The following BOC variants were observed in gnomAD, a reference collection of about 807,000 sequenced individuals.
The protein encoded by BOC is BOC cell adhesion associated, oncogene regulated, also known as brother of CDO.
A neutral mutation model predicts 112.0 loss-of-function variants in BOC; 76 were observed. That is an observed-to-expected ratio of 0.68 (90% CI 0.56 to 0.82). The LOEUF (loss-of-function observed/expected upper bound fraction) is 0.82, where lower values mean the gene tolerates loss of function less well. BOC is among the 40% of genes least tolerant of loss of function. The pLI is 0.00. For missense variants in BOC, 1,309 were observed against 1,511.7 expected (o/e 0.87, Z 2.22); for synonymous variants, 580 against 599.8 (o/e 0.97, Z 0.48).
Position 113,278,273 on chromosome 3 carries a change from T to A in BOC, c.1705+16T>A. The A allele has an allele frequency of 6.2e-7, 1 of 1,613,326 alleles. No individual in the cohort carries two copies. Among genetic ancestry groups the A allele is most frequent in the South Asian group, 1.1e-5 (1 of 91,036 alleles). Reference sequence around the variant, plus strand: ...TTCCGAACTGGTGAGAGTCAAACATTGCCCCTTGCTTAGGGTTTCCGTGGG... The same window carrying A: ...TTCCGAACTGGTGAGAGTCAAACATAGCCCCTTGCTTAGGGTTTCCGTGGG... On this transcript the variant is annotated intron_variant, in intron 10 of 19. Coordinates refer to ENST00000682979, the MANE Select transcript of BOC (RefSeq NM_001378074.1). This position sits in a 1 kb window ranked among gnomAD's most constrained non-coding sequence, Gnocchi z 4.2.
intron 2 of BOC, among the ~76,000 whole-genome samples, chr3:113,233,202 G>C (rs1942948217): frequency 9.8e-6 from 1 of 101,774 alleles, no homozygotes; most frequent in South Asian, 3.2e-4. Context: ...TGTGTCGGGG[G>C]TTGGAGCTGG....
chr3:113,286,788 C>T lies in BOC; in HGVS notation c.3274C>T (p.Gln1092Ter). 6.2e-7 allele frequency: 1 copy of T among 1,613,206 alleles called. No homozygotes were observed. Among genetic ancestry groups the T allele is most frequent in the Non-Finnish European group, 8.5e-7 (1 of 1,179,622 alleles). The change falls in exon 20 of 20, where the codon CAG becomes TAG. Residue 1092 changes from glutamine to a stop codon, truncating the protein, a stop_gained. Transcript: ENST00000682979. LOFTEE classifies it high-confidence loss of function. ...PQHPVGAYVG[Q>*]EPGMQLSPGP... ...GCACCCCGTAGGGGCCTACGTAGGA[C>T]AGGAACCTGGAATGCAGCTCTCCCC...
In BOC at chr3:113,278,028, T is replaced by G; in HGVS notation, c.1543-67T>G. The G allele has an allele frequency of 6.3e-7, 1 of 1,579,262 alleles. No individual in the cohort carries two copies. The highest frequency in any genetic ancestry group is 1.1e-5 in the South Asian group (1 of 87,194). On this transcript the variant is annotated intron_variant, in intron 9 of 19. Transcript: ENST00000682979. This position sits in a 1 kb window ranked among gnomAD's most constrained non-coding sequence, Gnocchi z 4.2. ...CTCTTGGGCTCAGCGCTGCTTTCTT[T>G]GTAAACCATAGCCCACTCGTAGCCC...
At position 113,274,446 on chromosome 3, in the gene BOC, G is replaced by A. The variant is rs149191848; in HGVS notation, c.1306G>A (p.Gly436Ser). The change falls in exon 9 of 20, where the codon GGC becomes AGC. Residue 436 changes from glycine to serine, a missense_variant. Physicochemically the swap from Gly to Ser is moderately conservative, Grantham distance 56. Coordinates refer to ENST00000682979, the MANE Select transcript of BOC (RefSeq NM_001378074.1). This position sits in a 1 kb window ranked among gnomAD's most constrained non-coding sequence, Gnocchi z 4.8. ...GTPPVSPSKL[G>S]NPEQMLRGQP... ...ACCTCCTGTATCACCCTCCAAACTC[G>A]GCAACCCTGAGCAGATGCTGAGGGG... 381 of 1,603,816 alleles carry A rather than the reference G, an allele frequency of 2.4e-4. 1 individual carries two copies. The highest frequency in any genetic ancestry group is 7.0e-4 in the Admixed American group (42 of 59,690).
At chr3:113,223,196 T>A (rs1941051645) in intron 2 of BOC, among the ~76,000 whole-genome samples, 1 of 152,228 alleles carries the variant, frequency 6.6e-6, no homozygotes, top group Admixed American at 6.5e-5. Context: ...ACCCCACATG[T>A]AAGCCTCTCA....
At chr3:113,280,098 C>T in intron 13 of BOC, 93 bp downstream of exon 13, 5 of 1,288,996 alleles carry the variant, frequency 3.9e-6, no homozygotes, top group Non-Finnish European at 1.0e-6. Flanking sequence ...CCGAACAGGG[C>T]ACCTGAAAGC....
chr3:113,241,445 ACTT>A (rs1398137782), intron 2 of BOC, among the ~76,000 whole-genome samples: 5 of 151,766 alleles, frequency 3.3e-5, no homozygotes, highest in African/African-American at 1.2e-4. Flanking sequence ...GGGAACTCCT[ACTT>A]CTCACTTCTC....
At chr3:113,264,640 A>G (rs912252063) in intron 4 of BOC, among the ~76,000 whole-genome samples, 1 of 151,552 alleles carries the variant, frequency 6.6e-6, no homozygotes, top group East Asian at 1.9e-4. Flanking sequence ...TTGATCATGA[A>G]CTCCCCACCC....
At chr3:113,273,687 TG>T (rs1387017480) in intron 8 of BOC, among the ~76,000 whole-genome samples, 1 of 152,128 alleles carries the variant, frequency 6.6e-6, no homozygotes, top group Non-Finnish European at 1.5e-5. Flanking sequence ...GGAGAGGTAA[TG>T]GGGATGCAGA....
rs2107677719 is a variant in BOC, at chr3:113,274,752, T to C, written c.1542+70T>C. On this transcript the variant is annotated intron_variant, in intron 9 of 19. Transcript: ENST00000682979. This position sits in a 1 kb window ranked among gnomAD's most constrained non-coding sequence, Gnocchi z 4.8. ...CCAGCAAGGCTGAGCAGAGTCACTG[T>C]CTCTTGGCCATCTCCCCTTGAGCTC... is the stretch of plus-strand genomic sequence containing the variant. The C allele has an allele frequency of 6.8e-7, 1 of 1,464,918 alleles. No homozygotes were observed. The highest frequency in any genetic ancestry group is 9.2e-7 in the Non-Finnish European group (1 of 1,088,846). 90.7% of individuals were successfully genotyped at this position (1,464,918 alleles called of 1,614,324 possible).
intron 5 of BOC, 37 bp from the exon 6 acceptor site, chr3:113,270,764 C>G (rs1212887511): frequency 1.3e-6 from 2 of 1,577,872 alleles, no homozygotes; most frequent in East Asian, 4.5e-5. Context: ...GTATTCTGGA[C>G]CCATCCCATC....
chr3:113,246,189 C>A (rs1406078489), intron 2 of BOC, among the ~76,000 whole-genome samples: 1 of 152,032 alleles, frequency 6.6e-6, no homozygotes. Context: ...TGTTTCAGAC[C>A]CATTTTCTTT....
At chr3:113,259,444 T>C (rs1946575448) in intron 4 of BOC, among the ~76,000 whole-genome samples, 1 of 152,158 alleles carries the variant, frequency 6.6e-6, no homozygotes, top group Admixed American at 6.5e-5. Flanking sequence ...ATCACTGGAC[T>C]CCTTTAAGGA....
At chr3:113,277,134 G>A (rs1275010394) in intron 9 of BOC, among the ~76,000 whole-genome samples, 2 of 152,214 alleles carry the variant, frequency 1.3e-5, no homozygotes, top group African/African-American at 4.8e-5. Context: ...AGCAAGGACT[G>A]AAGGCAGGAG....
At chr3:113,213,326 CCT>C (rs1225190211) in intron 1 of BOC, among the ~76,000 whole-genome samples, 4 of 152,122 alleles carry the variant, frequency 2.6e-5, no homozygotes, top group African/African-American at 9.6e-5. Flanking sequence ...ACATTTGTCA[CCT>C]AGTTCTTTGT....
At chr3:113,235,990 G>A (rs1319706020) in intron 2 of BOC, among the ~76,000 whole-genome samples, 8 of 151,660 alleles carry the variant, frequency 5.3e-5, no homozygotes, top group Non-Finnish European at 8.8e-5. Flanking sequence ...CAACCCCTAC[G>A]GAAAACAGTA....
At chr3:113,268,001 T>C (rs561784256) in intron 4 of BOC, among the ~76,000 whole-genome samples, 2 of 152,314 alleles carry the variant, frequency 1.3e-5, no homozygotes, top group East Asian at 3.9e-4. Flanking sequence ...CAGAGCCAAC[T>C]TGCCCCCACA....
At chr3:113,231,567 AAGCCTGTGGGTAC>A (rs1942619017) in intron 2 of BOC, among the ~76,000 whole-genome samples, 1 of 152,176 alleles carries the variant, frequency 6.6e-6, no homozygotes, top group South Asian at 2.1e-4. Flanking sequence ...AAGTGAGTCC[AAGCCTGTGGGTAC>A]AGACTTTAGT....
At chr3:113,228,317 TGA>T (rs1489210677) in intron 2 of BOC, among the ~76,000 whole-genome samples, 12 of 152,044 alleles carry the variant, frequency 7.9e-5, no homozygotes, top group African/African-American at 2.9e-4. Flanking sequence ...TAGGGGACAC[TGA>T]GAGGGAATGA....
Sources: allele counts gnomAD v4.1 joint callset (sites outside exome capture counted in the v4.1 genomes callset), GRCh38; gene constraint gnomAD v4.1.1; non-coding constraint Gnocchi (gnomAD v3.1); transcripts MANE v1.5; gene names NCBI Gene and HGNC (gene_info 2026-07-23, HGNC 2026-07-21).